The following LRRC4C variants were observed in gnomAD, a reference collection of about 807,000 sequenced individuals.
LRRC4C encodes leucine rich repeat containing 4C, also known as leucine-rich repeat-containing protein 4C.
Under a neutral mutation model 33.6 loss-of-function variants are expected in LRRC4C, and 5 were observed. The ratio of observed to expected loss-of-function variants is 0.15; its 90% CI spans 0.08 to 0.31. The LOEUF is 0.31. Ranked by LOEUF, LRRC4C falls within the 10% of genes least tolerant of loss-of-function variation. LRRC4C has a pLI of 1.00. For missense variants in LRRC4C, 560 were observed against 796.7 expected (o/e 0.70, Z 3.58); for synonymous variants, 329 against 302.0 (o/e 1.09, Z -0.93).
intron 1 of LRRC4C, among the ~76,000 whole-genome samples, chr11:41,379,929 AC>A (rs1239229974): frequency 1.3e-5 from 2 of 152,024 alleles, no homozygotes; most frequent in Non-Finnish European, 2.9e-5. Context: ...AGAACCAGTC[AC>A]CCTACAGTGC....
At chr11:40,475,461 G>C (rs1953165827) in intron 3 of LRRC4C, among the ~76,000 whole-genome samples, 2 of 152,076 alleles carry the variant, frequency 1.3e-5, no homozygotes, top group Non-Finnish European at 2.9e-5. Flanking sequence ...GTGAGTGGGG[G>C]CTAGGGGAGG....
At chr11:41,285,177 A>G (rs1157535639) in intron 1 of LRRC4C, among the ~76,000 whole-genome samples, 1 of 152,162 alleles carries the variant, frequency 6.6e-6, no homozygotes, top group African/African-American at 2.4e-5. Flanking sequence ...AATTCAGTCT[A>G]TCTTTCTATC....
At chr11:40,201,476 A>T (rs751423461) in intron 5 of LRRC4C, among the ~76,000 whole-genome samples, 2 of 152,146 alleles carry the variant, frequency 1.3e-5, no homozygotes, top group African/African-American at 2.4e-5. Context: ...GAAGCCTTTC[A>T]CTTTTATCTT....
intron 1 of LRRC4C, among the ~76,000 whole-genome samples, chr11:40,971,543 G>C (rs1851729792): frequency 6.6e-6 from 1 of 152,194 alleles, no homozygotes; most frequent in Admixed American, 6.5e-5. Flanking sequence ...TGGGGGTGGA[G>C]TCCTCACAGA....
chr11:40,870,475 A>G (rs1017147150), intron 2 of LRRC4C, among the ~76,000 whole-genome samples: 4 of 152,212 alleles, frequency 2.6e-5, no homozygotes, highest in African/African-American at 9.6e-5. Flanking sequence ...CAGGAACCCC[A>G]AACGGAGGGA....
chr11:40,469,799 G>T (rs576280272), intron 3 of LRRC4C, among the ~76,000 whole-genome samples: 1 of 152,098 alleles, frequency 6.6e-6, no homozygotes, highest in Non-Finnish European at 1.5e-5. Flanking sequence ...ACCAGAGCTC[G>T]GCAAAGCTGC....
chr11:40,570,670 A>G (rs1220830611), intron 3 of LRRC4C, among the ~76,000 whole-genome samples: 1 of 152,156 alleles, frequency 6.6e-6, no homozygotes, highest in East Asian at 1.9e-4. Flanking sequence ...CTTGGTATAT[A>G]CTATGTATCT....
At chr11:40,743,404 G>C (rs891648701) in intron 2 of LRRC4C, among the ~76,000 whole-genome samples, 3 of 152,004 alleles carry the variant, frequency 2.0e-5, no homozygotes, top group African/African-American at 7.2e-5. Flanking sequence ...CAAGGTCAGA[G>C]GTCTAAAATG....
rs183864007 is a variant in LRRC4C, at chr11:40,390,298, A to G, written c.-269-70577T>C. On this transcript the variant is annotated intron_variant, in intron 3 of 6. Transcript: ENST00000528697. ...CATATCTCATTAAAGAAAACAAGGA[A>G]TTCAGCTTAATCTCGAGTGTTAAAC... Among the ~76,000 whole-genome samples, 88 of 152,322 alleles carry G rather than the reference A, an allele frequency of 5.8e-4. 1 individual carries two copies. Among genetic ancestry groups the G allele is most frequent in the Non-Finnish European group, 4.4e-5 (3 of 68,018 alleles).
chr11:41,277,221 C>T (rs1236482693), intron 1 of LRRC4C, among the ~76,000 whole-genome samples: 2 of 152,070 alleles, frequency 1.3e-5, no homozygotes, highest in African/African-American at 4.8e-5. Context: ...AACATGAATG[C>T]TAACATGGCA....
chr11:40,888,396 A>C (rs1469698749), intron 2 of LRRC4C, among the ~76,000 whole-genome samples: 2 of 152,010 alleles, frequency 1.3e-5, no homozygotes, highest in African/African-American at 4.8e-5. Context: ...TTATATCTAA[A>C]GACAGTATTC....
intron 1 of LRRC4C, among the ~76,000 whole-genome samples, chr11:41,124,926 C>G (rs892725767): frequency 6.6e-6 from 1 of 152,122 alleles, no homozygotes; most frequent in Non-Finnish European, 1.5e-5. Context: ...CATCCCAGGG[C>G]TGGGATACCC....
rs114652978 is a variant in LRRC4C, at chr11:41,000,788, G to A, written c.-495-67065C>T. Among the ~76,000 whole-genome samples the A allele has an allele frequency of 2.2e-3, 339 of 152,258 alleles. 1 individual carries two copies. The highest frequency in any genetic ancestry group is 7.9e-3 in the African/African-American group (330 of 41,570). On this transcript the variant is annotated intron_variant, in intron 1 of 6. Transcript: ENST00000528697. ...GGTAGTGGATATTATATTTAAAATG[G>A]ACAGTACTAATCTTGTCTATAATTT...
intron 1 of LRRC4C, among the ~76,000 whole-genome samples, chr11:41,380,809 GTAGT>G (rs1299411206): frequency 1.3e-5 from 2 of 152,200 alleles, no homozygotes; most frequent in African/African-American, 4.8e-5. Context: ...AAGTCCAATA[GTAGT>G]CTGTCTGTCT....
At chr11:41,230,073 AGTT>A (rs1334293209) in intron 1 of LRRC4C, among the ~76,000 whole-genome samples, 1 of 151,994 alleles carries the variant, frequency 6.6e-6, no homozygotes, top group East Asian at 1.9e-4. Context: ...GACAAGCAAA[AGTT>A]GTTTTCTCTT....
At chr11:40,134,071 C>T (rs1006354008) in intron 6 of LRRC4C, among the ~76,000 whole-genome samples, 5 of 152,042 alleles carry the variant, frequency 3.3e-5, no homozygotes, top group Admixed American at 2.6e-4. Context: ...CAATAAGGAA[C>T]ATACACTAAC....
intron 3 of LRRC4C, among the ~76,000 whole-genome samples, chr11:40,609,706 G>A (rs2135872553): frequency 6.6e-6 from 1 of 151,868 alleles, no homozygotes; most frequent in African/African-American, 2.4e-5. Flanking sequence ...AGAAAATAAA[G>A]AGGACACATT....
intron 3 of LRRC4C, among the ~76,000 whole-genome samples, chr11:40,389,141 G>A (rs1471757822): frequency 1.3e-5 from 2 of 152,130 alleles, no homozygotes. Flanking sequence ...AAGCTATACA[G>A]GGGAGAATTT....
chr11:40,198,391 G>A (rs887467627), intron 5 of LRRC4C, among the ~76,000 whole-genome samples: 2 of 152,096 alleles, frequency 1.3e-5, no homozygotes, highest in Non-Finnish European at 2.9e-5. Context: ...TAAGTCCAAC[G>A]ATTCATTTAC....
Sources: allele counts gnomAD v4.1 joint callset (sites outside exome capture counted in the v4.1 genomes callset), GRCh38; gene constraint gnomAD v4.1.1; transcripts MANE v1.5; gene names NCBI Gene and HGNC (gene_info 2026-07-23, HGNC 2026-07-21).